GRIA2: variants seen among roughly 807,000 people sequenced by gnomAD.
GRIA2 encodes glutamate ionotropic receptor AMPA type subunit 2, also known as glutamate receptor 2.
GRIA2 carries 14 observed loss-of-function variants against 97.3 expected under a neutral mutation model. The observed-to-expected ratio is 0.14, with a 90% CI of 0.10 to 0.23. The LOEUF (loss-of-function observed/expected upper bound fraction) is 0.23, where lower values mean the gene tolerates loss of function less well. Ranked by LOEUF, GRIA2 falls within the 10% of genes least tolerant of loss-of-function variation. The probability of loss-of-function intolerance (pLI) is 1.00; values close to 1 mark genes in which losing one functional copy is unlikely to be tolerated. For missense variants in GRIA2, 558 were observed against 1,069.8 expected (o/e 0.52, Z 6.67); for synonymous variants, 412 against 387.8 (o/e 1.06, Z -0.73).
At chr4:157,277,050 A>T (rs1037229788) in intron 2 of GRIA2, among the ~76,000 whole-genome samples, 6 of 151,922 alleles carry the variant, frequency 3.9e-5, no homozygotes, top group Non-Finnish European at 8.8e-5. Flanking sequence ...TATAAGCAAC[A>T]TTACCCTATT....
intron 12 of GRIA2, among the ~76,000 whole-genome samples, chr4:157,357,639 T>TA (rs1736450130): frequency 6.6e-6 from 1 of 152,098 alleles, no homozygotes; most frequent in South Asian, 2.1e-4. Context: ...AGCCTCATTA[T>TA]AAAAAAATGA....
intron 2 of GRIA2, among the ~76,000 whole-genome samples, chr4:157,268,705 T>G (rs986381874): frequency 1.3e-5 from 2 of 152,006 alleles, no homozygotes; most frequent in African/African-American, 4.8e-5. Context: ...ATCTAGTAGA[T>G]CCTACTTATT....
intron 2 of GRIA2, among the ~76,000 whole-genome samples, chr4:157,243,518 C>A (rs1171676356): frequency 6.6e-6 from 1 of 152,022 alleles, no homozygotes; most frequent in Non-Finnish European, 1.5e-5. Context: ...AAAGCATTTT[C>A]TTTTATTTTT....
intron 2 of GRIA2, among the ~76,000 whole-genome samples, chr4:157,275,861 T>A (rs1234312338): frequency 6.6e-6 from 1 of 152,150 alleles, no homozygotes; most frequent in African/African-American, 2.4e-5. Context: ...GGCTCTTTTT[T>A]GGTTCCATAT....
intron 2 of GRIA2, among the ~76,000 whole-genome samples, chr4:157,260,638 G>A (rs900591731): frequency 6.6e-6 from 1 of 151,930 alleles, no homozygotes; most frequent in Non-Finnish European, 1.5e-5. Context: ...TGCATAAAAC[G>A]CTAGAATATG....
At chr4:157,223,266 G>C (rs1729590358) in intron 2 of GRIA2, among the ~76,000 whole-genome samples, 1 of 152,088 alleles carries the variant, frequency 6.6e-6, no homozygotes, top group African/African-American at 2.4e-5. Flanking sequence ...GATAGAATAG[G>C]GGCATTGTGT....
At chr4:157,255,359 A>T (rs1731193160) in intron 2 of GRIA2, among the ~76,000 whole-genome samples, 1 of 152,032 alleles carries the variant, frequency 6.6e-6, no homozygotes, top group African/African-American at 2.4e-5. Context: ...CAGTGATGCG[A>T]TAAAAATACG....
chr4:157,334,120 G>T lies in GRIA2; in HGVS notation c.1266G>T (p.Leu422Phe). ...AGACTGTTGTTGTCACCACAATTTT[G>T]GTAATTTGCTACATATGCCATGTTT... ...ENKTVVVTTI[L>F]ESPYVMMKKN... The change falls in exon 9 of 16, where the codon TTG (leucine) becomes TTT (phenylalanine). Residue 422 changes from leucine (L) to phenylalanine (F), a missense_variant and splice_region_variant. Physicochemically the swap from Leu to Phe is conservative, Grantham distance 22. This residue lies in a region of GRIA2 where 66 missense variants were observed against 118.7 expected (regional missense o/e 0.56). Transcript: ENST00000264426. 1 of 1,495,568 alleles carries T rather than the reference G, an allele frequency of 6.7e-7. No individual in the cohort carries two copies. Among genetic ancestry groups the T allele is most frequent in the South Asian group, 1.1e-5 (1 of 88,678 alleles). 92.6% of individuals were successfully genotyped at this position (1,495,568 alleles called of 1,614,324 possible).
At chr4:157,309,359 T>G (rs899275549) in intron 3 of GRIA2, among the ~76,000 whole-genome samples, 1 of 150,270 alleles carries the variant, frequency 6.7e-6, no homozygotes, top group Non-Finnish European at 1.5e-5. Flanking sequence ...GTTTTTTTTT[T>G]TTTTTTTTTT....
intron 6 of GRIA2, among the ~76,000 whole-genome samples, chr4:157,322,918 A>T (rs557945736): frequency 2.0e-4 from 30 of 152,208 alleles, no homozygotes; most frequent in Non-Finnish European, 3.7e-4. Flanking sequence ...TTTTGGATTT[A>T]TAAATGGATC....
chr4:157,305,266 G>T (rs149988912), intron 3 of GRIA2, among the ~76,000 whole-genome samples: 2 of 151,990 alleles, frequency 1.3e-5, no homozygotes, highest in African/African-American at 2.4e-5. Context: ...CTATTGATGT[G>T]ATTTCCACTG....
intron 2 of GRIA2, among the ~76,000 whole-genome samples, chr4:157,223,770 T>C (rs140351900): frequency 6.6e-6 from 1 of 152,336 alleles, no homozygotes; most frequent in East Asian, 1.9e-4. Context: ...CAGTCAATGA[T>C]TGCCAAGTTC....
intron 2 of GRIA2, among the ~76,000 whole-genome samples, chr4:157,253,122 G>GT (rs546021162): frequency 0.01 from 1,432 of 140,970 alleles, 9 homozygotes; most frequent in African/African-American, 0.023. Context: ...CCACCTTTTT[G>GT]TTTTTTTTTT....
intron 2 of GRIA2, among the ~76,000 whole-genome samples, chr4:157,236,280 C>T (rs181752705): frequency 8.6e-5 from 13 of 151,956 alleles, no homozygotes; most frequent in South Asian, 2.1e-4. Flanking sequence ...ACACTACACA[C>T]GGGGATATAA....
chr4:157,250,135 T>C (rs932815994), intron 2 of GRIA2, among the ~76,000 whole-genome samples: 1 of 152,158 alleles, frequency 6.6e-6, no homozygotes, highest in African/African-American at 2.4e-5. Flanking sequence ...TGTTGATAGA[T>C]ATTTACAGCC....
At chr4:157,356,370 A>T (rs749272383) in intron 12 of GRIA2, among the ~76,000 whole-genome samples, 1 of 151,328 alleles carries the variant, frequency 6.6e-6, no homozygotes. Flanking sequence ...TTCCTTTTGC[A>T]TTGCATCATG....
chr4:157,252,677 G>A (rs1731068514), intron 2 of GRIA2, among the ~76,000 whole-genome samples: 1 of 152,064 alleles, frequency 6.6e-6, no homozygotes, highest in South Asian at 2.1e-4. Context: ...AGAATTAAGT[G>A]TGACTAAATG....
chr4:157,256,689 C>A (rs1731292624), intron 2 of GRIA2, among the ~76,000 whole-genome samples: 1 of 151,910 alleles, frequency 6.6e-6, no homozygotes, highest in Admixed American at 6.6e-5. Flanking sequence ...CACACTTCCA[C>A]ATTCTCCCTA....
At chr4:157,263,041 T>G (rs1218066582) in intron 2 of GRIA2, among the ~76,000 whole-genome samples, 1 of 152,040 alleles carries the variant, frequency 6.6e-6, no homozygotes, top group Non-Finnish European at 1.5e-5. Context: ...AAATATGACT[T>G]TTCTGGTTGA....
Sources: gnomAD v4.1 joint callset for allele counts (sites outside exome capture counted in the v4.1 genomes callset) on GRCh38, gnomAD v4.1.1 for gene constraint, gnomAD v4.1.1 regional missense constraint, MANE v1.5 for transcripts, NCBI Gene and HGNC (gene_info 2026-07-23, HGNC 2026-07-21) for gene names.